Variants in KCNH7 observed in about 807,000 individuals in gnomAD.
The protein encoded by KCNH7 is voltage-gated inwardly rectifying potassium channel KCNH7.
A neutral mutation model predicts 120.8 loss-of-function variants in KCNH7; 49 were observed. The observed-to-expected ratio is 0.41, with a 90% CI of 0.32 to 0.51. KCNH7 has a LOEUF of 0.51. Ranked by LOEUF, KCNH7 falls within the 20% of genes least tolerant of loss-of-function variation. The probability of loss-of-function intolerance (pLI) is 0.38; values close to 1 mark genes in which losing one functional copy is unlikely to be tolerated. For synonymous variants in KCNH7, 547 were observed against 516.1 expected, an observed-to-expected ratio of 1.06 and a Z score of -0.81; for missense variants, 1,097 against 1,446.6, an observed-to-expected ratio of 0.76 and a Z score of 3.92.
intron 2 of KCNH7, among the ~76,000 whole-genome samples, chr2:162,560,907 A>T (rs1693039248): frequency 6.6e-6 from 1 of 151,924 alleles, no homozygotes; most frequent in Admixed American, 6.6e-5. Flanking sequence ...TCCATAATTC[A>T]CTCTTCTTGA....
At chr2:162,798,234 A>T (rs533122433) in intron 2 of KCNH7, among the ~76,000 whole-genome samples, 1 of 152,228 alleles carries the variant, frequency 6.6e-6, no homozygotes, top group African/African-American at 2.4e-5. Flanking sequence ...AAACGAAAGT[A>T]GTTTGCCCTA....
intron 2 of KCNH7, among the ~76,000 whole-genome samples, chr2:162,777,947 G>GC (rs980838589): frequency 2.0e-4 from 31 of 152,100 alleles, no homozygotes; most frequent in Middle Eastern, 6.8e-3. Flanking sequence ...ATTATCATTT[G>GC]TTTTTTTAAA....
intron 12 of KCNH7, among the ~76,000 whole-genome samples, chr2:162,386,328 T>C (rs1686570392): frequency 6.6e-6 from 1 of 151,952 alleles, no homozygotes; most frequent in Non-Finnish European, 1.5e-5. Flanking sequence ...TTTCCAATTT[T>C]CTTTGTTTTT....
chr2:162,577,372 T>TC (rs1693719186), intron 2 of KCNH7, among the ~76,000 whole-genome samples: 3 of 150,060 alleles, frequency 2.0e-5, no homozygotes, highest in Non-Finnish European at 3.0e-5. Flanking sequence ...TATCTATCTA[T>TC]CTATCTATCT....
intron 2 of KCNH7, among the ~76,000 whole-genome samples, chr2:162,634,223 C>T (rs1683865690): frequency 6.6e-6 from 1 of 151,912 alleles, no homozygotes; most frequent in South Asian, 2.1e-4. Context: ...CATTTTAAAG[C>T]ACTATTAAAT....
chr2:162,802,860 T>C (rs1684399862), intron 2 of KCNH7, among the ~76,000 whole-genome samples: 1 of 151,772 alleles, frequency 6.6e-6, no homozygotes, highest in Non-Finnish European at 1.5e-5. Context: ...AACACAAACA[T>C]ATTTTATGCT....
intron 4 of KCNH7, among the ~76,000 whole-genome samples, chr2:162,517,390 A>C (rs1463883269): frequency 1.3e-5 from 2 of 151,844 alleles, no homozygotes; most frequent in East Asian, 3.9e-4. Flanking sequence ...TCATTTGCTA[A>C]ATGCAGCAAA....
chr2:162,521,695 A>G (rs531973869), intron 3 of KCNH7, among the ~76,000 whole-genome samples: 1 of 152,040 alleles, frequency 6.6e-6, no homozygotes, highest in African/African-American at 2.4e-5. Context: ...TGTAATGATC[A>G]AATCAGTGTA....
chr2:162,420,237 G>T (rs769342492), intron 9 of KCNH7, among the ~76,000 whole-genome samples: 2 of 151,994 alleles, frequency 1.3e-5, no homozygotes, highest in African/African-American at 2.4e-5. Context: ...TTAGCCAGGC[G>T]TGGTGGCATG....
intron 6 of KCNH7, among the ~76,000 whole-genome samples, chr2:162,473,856 G>A (rs982751642): frequency 2.6e-5 from 4 of 152,132 alleles, no homozygotes; most frequent in African/African-American, 9.7e-5. Flanking sequence ...TGTGTATAAA[G>A]TCTTTCTGTA....
chr2:162,540,461 A>G (rs1193071333), intron 2 of KCNH7, among the ~76,000 whole-genome samples: 1 of 152,072 alleles, frequency 6.6e-6, no homozygotes, highest in African/African-American at 2.4e-5. Context: ...TTTATTTTAT[A>G]AGTTGGTGGC....
intron 2 of KCNH7, among the ~76,000 whole-genome samples, chr2:162,557,537 C>A (rs1459691208): frequency 2.6e-5 from 4 of 152,106 alleles, no homozygotes; most frequent in Admixed American, 2.6e-4. Flanking sequence ...GATATTGTTG[C>A]AGCTGTCTTT....
chr2:162,690,556 C>G (rs1000211601), intron 2 of KCNH7, among the ~76,000 whole-genome samples: 1 of 151,882 alleles, frequency 6.6e-6, no homozygotes, highest in Non-Finnish European at 1.5e-5. Context: ...TCTCAATATG[C>G]CTTTTAGATT....
chr2:162,743,838 C>G (rs991219083), intron 2 of KCNH7, among the ~76,000 whole-genome samples: 1 of 152,012 alleles, frequency 6.6e-6, no homozygotes, highest in Admixed American at 6.6e-5. Flanking sequence ...GACACATTAT[C>G]AAGAAATGCA....
intron 9 of KCNH7, among the ~76,000 whole-genome samples, chr2:162,404,271 C>G (rs770338026): frequency 1.2e-4 from 18 of 151,864 alleles, no homozygotes; most frequent in Admixed American, 2.6e-4. Flanking sequence ...TATTTGAAGC[C>G]ATGGTTTTAT....
intron 2 of KCNH7, among the ~76,000 whole-genome samples, chr2:162,648,836 T>C (rs767053735): frequency 6.6e-6 from 1 of 152,158 alleles, no homozygotes; most frequent in South Asian, 2.1e-4. Flanking sequence ...TTTAAGAGCT[T>C]ACCTAAATTT....
intron 2 of KCNH7, among the ~76,000 whole-genome samples, chr2:162,698,812 AC>A (rs981771451): frequency 1.3e-5 from 2 of 151,720 alleles, no homozygotes; most frequent in Admixed American, 6.6e-5. Flanking sequence ...CATTTAAAAT[AC>A]CCCCTATGTT....
At chr2:162,562,080 C>A (rs752797896) in intron 2 of KCNH7, among the ~76,000 whole-genome samples, 1 of 151,908 alleles carries the variant, frequency 6.6e-6, no homozygotes, top group Non-Finnish European at 1.5e-5. Context: ...GGCTAGGGGA[C>A]GGATAGCATT....
chr2:162,672,921 A>G (rs1685408582), intron 2 of KCNH7, among the ~76,000 whole-genome samples: 1 of 152,012 alleles, frequency 6.6e-6, no homozygotes, highest in South Asian at 2.1e-4. Flanking sequence ...AAGACAATAA[A>G]CCAAACATTT....
Sources: gnomAD v4.1 joint callset for allele counts (sites outside exome capture counted in the v4.1 genomes callset) on GRCh38, gnomAD v4.1.1 for gene constraint, MANE v1.5 for transcripts, NCBI Gene and HGNC (gene_info 2026-07-23, HGNC 2026-07-21) for gene names.